Variants in PAQR5 observed in about 807,000 individuals in gnomAD.
PAQR5 encodes progestin and adipoQ receptor family member 5.
A neutral mutation model predicts 34.5 loss-of-function variants in PAQR5; 20 were observed. That is an observed-to-expected ratio of 0.58 (90% CI 0.41 to 0.84). The LOEUF (loss-of-function observed/expected upper bound fraction) is 0.84, where lower values mean the gene tolerates loss of function less well. Ranked by LOEUF, PAQR5 falls within the 40% of genes least tolerant of loss-of-function variation. PAQR5 has a pLI of 0.00. For missense variants in PAQR5, 378 were observed against 412.7 expected (o/e 0.92, Z 0.73); for synonymous variants, 131 against 155.6 (o/e 0.84, Z 1.18).
At chr15:69,345,408 A>G (rs1290151328) in intron 2 of PAQR5, among the ~76,000 whole-genome samples, 1 of 152,222 alleles carries the variant, frequency 6.6e-6, no homozygotes, top group African/African-American at 2.4e-5. Flanking sequence ...AGTTTTGCCA[A>G]CTGTGTCCTT....
At chr15:69,390,098 C>T (rs1197470804) in intron 6 of PAQR5, among the ~76,000 whole-genome samples, 2 of 152,190 alleles carry the variant, frequency 1.3e-5, no homozygotes, top group African/African-American at 4.8e-5. Flanking sequence ...TCACTGCAAC[C>T]TCCGCCTCCT....
At chr15:69,381,537 C>T (rs112224649) in intron 4 of PAQR5, among the ~76,000 whole-genome samples, 2 of 152,296 alleles carry the variant, frequency 1.3e-5, no homozygotes, top group Admixed American at 6.5e-5. Context: ...GCACTCCATG[C>T]ATGGATCCCT....
At chr15:69,318,410 G>A (rs1012759491) in intron 1 of PAQR5, among the ~76,000 whole-genome samples, 8 of 152,210 alleles carry the variant, frequency 5.3e-5, no homozygotes, top group African/African-American at 1.9e-4. Context: ...AGAGATGTCT[G>A]TCTCCCTCTC....
At chr15:69,370,709 C>CAA (rs1567025507) in intron 3 of PAQR5, among the ~76,000 whole-genome samples, 1 of 152,106 alleles carries the variant, frequency 6.6e-6, no homozygotes, top group Non-Finnish European at 1.5e-5. Flanking sequence ...TTAGTAGAGG[C>CAA]AGAGTTTCAC....
At chr15:69,348,754 G>T (rs943665137) in intron 2 of PAQR5, among the ~76,000 whole-genome samples, 2 of 144,794 alleles carry the variant, frequency 1.4e-5, no homozygotes, top group Non-Finnish European at 1.5e-5. Flanking sequence ...AGGTTTTTCC[G>T]ATCTGATACC....
intron 1 of PAQR5, among the ~76,000 whole-genome samples, chr15:69,320,515 G>A (rs1720692275): frequency 6.6e-6 from 1 of 152,112 alleles, no homozygotes; most frequent in Non-Finnish European, 1.5e-5. Context: ...GATCACCAGG[G>A]CCGATAATAT....
At chr15:69,402,324 T>TC (rs2056656790) in intron 8 of PAQR5, among the ~76,000 whole-genome samples, 2 of 151,146 alleles carry the variant, frequency 1.3e-5, no homozygotes, top group South Asian at 2.1e-4. Flanking sequence ...TTTCTTTCTT[T>TC]TTTTTTTTTT....
Position 69,384,772 on chromosome 15 carries a change from G to A in PAQR5, c.275G>A (p.Cys92Tyr). ...ATGCTTGTGTACATGTGCACCAGCT[G>A]CGTGTACCCACTTGTGTCCAGCTGT... ...WPMLVYMCTS[C>Y]VYPLVSSCAH... The change falls in exon 5 of 9, where the codon TGC becomes TAC. Residue 92 changes from cysteine (C) to tyrosine (Y), a missense_variant. Physicochemically the swap from Cys to Tyr is radical, Grantham distance 194 (BLOSUM62 -2). Coordinates refer to ENST00000395407, the MANE Select transcript of PAQR5 (RefSeq NM_017705.4). The A allele has an allele frequency of 6.2e-7, 1 of 1,613,536 alleles. No homozygotes were observed. The highest frequency in any genetic ancestry group is 8.5e-7 in the Non-Finnish European group (1 of 1,179,460).
chr15:69,304,504 G>A (rs950318844), intron 1 of PAQR5, among the ~76,000 whole-genome samples: 1 of 152,168 alleles, frequency 6.6e-6, no homozygotes. Flanking sequence ...CAGCAGGTGC[G>A]AGAGCTACAA....
chr15:69,308,684 G>T (rs1479535177), intron 1 of PAQR5, among the ~76,000 whole-genome samples: 2 of 152,142 alleles, frequency 1.3e-5, no homozygotes, highest in African/African-American at 4.8e-5. Flanking sequence ...ATGTTAATCT[G>T]AATTCCAGAA....
chr15:69,360,050 C>G lies in PAQR5; in HGVS notation c.-31C>G. On this transcript the variant is annotated 5_prime_UTR_variant, in exon 3 of 9. Coordinates refer to ENST00000395407, the MANE Select transcript of PAQR5 (RefSeq NM_017705.4). ...AGGCCTGGTAACAGGGAGGCGCTGT[C>G]ACCTACTGGCCTTGCCAATCCAGCT... 6.3e-7 allele frequency: 1 copy of G among 1,597,340 alleles called. No homozygotes were observed. Among genetic ancestry groups the G allele is most frequent in the Non-Finnish European group, 8.6e-7 (1 of 1,165,018 alleles).
intron 2 of PAQR5, among the ~76,000 whole-genome samples, chr15:69,356,983 G>A (rs1028807017): frequency 1.4e-5 from 2 of 146,024 alleles, no homozygotes; most frequent in Non-Finnish European, 2.9e-5. Context: ...CTCGTGGCTT[G>A]GTGCTGTCTT....
intron 1 of PAQR5, among the ~76,000 whole-genome samples, chr15:69,318,193 G>C (rs1768647357): frequency 6.6e-6 from 1 of 152,262 alleles, no homozygotes; most frequent in Middle Eastern, 3.2e-3. Flanking sequence ...GCTCAGAGGA[G>C]AAGAGGGGTG....
chr15:69,341,050 T>C (rs2054627265), intron 2 of PAQR5, among the ~76,000 whole-genome samples: 3 of 152,206 alleles, frequency 2.0e-5, no homozygotes. Context: ...CACTTAAAAA[T>C]GTGTAATTCG....
chr15:69,369,558 G>A (rs2055497859), intron 3 of PAQR5, among the ~76,000 whole-genome samples: 1 of 150,068 alleles, frequency 6.7e-6, no homozygotes, highest in African/African-American at 2.5e-5. Context: ...AAAAAAAGTA[G>A]AAATCCTTCA....
intron 1 of PAQR5, among the ~76,000 whole-genome samples, chr15:69,309,412 G>A (rs918213953): frequency 1.3e-5 from 2 of 152,154 alleles, no homozygotes; most frequent in Non-Finnish European, 2.9e-5. Context: ...GCTATGAGGA[G>A]GAACCAGACT....
intron 4 of PAQR5, chr15:69,382,712 A>G (rs2055931418): frequency 1.5e-5 from 2 of 131,392 alleles, no homozygotes; most frequent in African/African-American, 5.8e-5. Flanking sequence ...ATATGTATGT[A>G]TGTATATATG....
At chr15:69,370,671 C>A (rs1595904457) in intron 3 of PAQR5, among the ~76,000 whole-genome samples, 1 of 152,176 alleles carries the variant, frequency 6.6e-6, no homozygotes, top group South Asian at 2.1e-4. Context: ...AGGCACCTGC[C>A]ACCACGCCTG....
At chr15:69,335,246 CTTT>C (rs368833153) in intron 1 of PAQR5, among the ~76,000 whole-genome samples, 1 of 127,918 alleles carries the variant, frequency 7.8e-6, no homozygotes. Flanking sequence ...GAAATTTTAG[CTTT>C]TTTTTTTTTT....
Sources: allele counts gnomAD v4.1 joint callset (sites outside exome capture counted in the v4.1 genomes callset), GRCh38; gene constraint gnomAD v4.1.1; transcripts MANE v1.5; gene names NCBI Gene and HGNC (gene_info 2026-07-23, HGNC 2026-07-21).